LAMA2: variants seen among roughly 807,000 people sequenced by gnomAD.
The protein encoded by LAMA2 is laminin subunit alpha 2.
A neutral mutation model predicts 364.8 loss-of-function variants in LAMA2; 269 were observed. That is an observed-to-expected ratio of 0.74 (90% CI 0.67 to 0.82). The LOEUF is 0.82. Among genes scored for constraint, LAMA2 ranks in the 40% least tolerant of loss-of-function variants. The pLI is 0.00. For synonymous variants in LAMA2, 1,379 were observed against 1,370.6 expected, an observed-to-expected ratio of 1.01 and a Z score of -0.14; for missense variants, 3,807 against 3,873.2, an observed-to-expected ratio of 0.98 and a Z score of 0.45.
chr6:129,515,898 G>A (rs1012195377), intron 64 of LAMA2, among the ~76,000 whole-genome samples: 4 of 152,010 alleles, frequency 2.6e-5, no homozygotes, highest in African/African-American at 9.7e-5. Context: ...GAGCAGCCTG[G>A]GCAACACGGC....
chr6:129,481,926 T>C (rs1784368396), intron 55 of LAMA2, among the ~76,000 whole-genome samples: 1 of 151,974 alleles, frequency 6.6e-6, no homozygotes, highest in South Asian at 2.1e-4. Flanking sequence ...GGGCAGAAAA[T>C]GGATCTGGGA....
chr6:129,254,705 A>G (rs750939517), intron 14 of LAMA2, among the ~76,000 whole-genome samples: 2 of 152,238 alleles, frequency 1.3e-5, no homozygotes, highest in Non-Finnish European at 2.9e-5. Flanking sequence ...CACTAGGAAG[A>G]TGAAGGCACA....
chr6:129,349,274 G>A (rs376449109), intron 30 of LAMA2, 24 bp from the exon 31 acceptor site: 3 of 1,589,086 alleles, frequency 1.9e-6, no homozygotes, highest in Non-Finnish European at 2.6e-6. Context: ...AACTTTTTTT[G>A]CAATCCTTTT....
chr6:128,986,662 A>G (rs74747860), intron 1 of LAMA2, among the ~76,000 whole-genome samples: 3,755 of 152,162 alleles, frequency 0.025, 165 homozygotes, highest in African/African-American at 0.085. Context: ...TGACTTTGAA[A>G]GATTTCTTAG....
chr6:129,446,684 TTTGA>T (rs2114777049), intron 45 of LAMA2, among the ~76,000 whole-genome samples: 1 of 152,126 alleles, frequency 6.6e-6, no homozygotes, highest in South Asian at 2.1e-4. Context: ...AATTCTGTTT[TTTGA>T]ACAACTTTGG....
chr6:129,449,215 T>C (rs1782541033), intron 45 of LAMA2, among the ~76,000 whole-genome samples: 1 of 152,260 alleles, frequency 6.6e-6, no homozygotes, highest in South Asian at 2.1e-4. Context: ...AATAGATTAC[T>C]GTCTAGTCCA....
rs536930148 is a variant in LAMA2 at position 129,480,713 on chromosome 6, A to G, written c.7573-550A>G. On this transcript the variant is annotated intron_variant, in intron 54 of 64. Transcript: ENST00000421865. Reference sequence around the variant, plus strand: ...TATACTGAGCAAGGACAATGGTATTACTTTAATATTGAGAAAAAACTAGAC... The same window carrying G: ...TATACTGAGCAAGGACAATGGTATTGCTTTAATATTGAGAAAAAACTAGAC... Among the ~76,000 whole-genome samples the G allele has an allele frequency of 5.9e-5, 9 of 152,288 alleles. No homozygotes were observed. In the South Asian group the frequency reaches 1.9e-3, roughly 32 times the overall value.
At chr6:129,166,883 TCAGCAC>T (rs1321305730) in intron 9 of LAMA2, among the ~76,000 whole-genome samples, 1 of 152,198 alleles carries the variant, frequency 6.6e-6, no homozygotes, top group Admixed American at 6.5e-5. Context: ...AAGTCTGGCT[TCAGCAC>T]CTAAATAACA....
In LAMA2 at chr6:129,138,039, T is replaced by C. The variant is rs181883794; in HGVS notation, c.640-5862T>C. ...GATATATAAAGTACATCTGTGTAAA[T>C]GGCAAGCAGTGAGAACACAGAAAAG... On this transcript the variant is annotated intron_variant, in intron 4 of 64. Coordinates refer to ENST00000421865, the MANE Select transcript of LAMA2 (RefSeq NM_000426.4). 1.2e-4 allele frequency among the ~76,000 whole-genome samples: 19 copies of C among 152,030 alleles called. No homozygotes were observed. The East Asian group carries it at 3.1e-3, about 25-fold the overall frequency.
chr6:129,460,151 T>A (rs756043360), intron 48 of LAMA2, 49 bp from the exon 49 acceptor site: 2 of 1,588,066 alleles, frequency 1.3e-6, no homozygotes, highest in South Asian at 2.2e-5. Flanking sequence ...AAACCAAGAT[T>A]ATTTGTGAAA....
chr6:128,921,412 C>T (rs1293869573), intron 1 of LAMA2, among the ~76,000 whole-genome samples: 2 of 152,096 alleles, frequency 1.3e-5, no homozygotes, highest in Non-Finnish European at 2.9e-5. Flanking sequence ...ACCTTATTTG[C>T]AAATAGGGTC....
intron 41 of LAMA2, 140 bp downstream of exon 41, chr6:129,427,994 T>C (rs945474048): frequency 1.5e-6 from 1 of 681,598 alleles, no homozygotes; most frequent in Non-Finnish European, 2.6e-6. Flanking sequence ...GCAAGTAAAC[T>C]TTCTCACTAG....
At chr6:129,319,776 G>C (rs757696437) in intron 27 of LAMA2, among the ~76,000 whole-genome samples, 1 of 152,102 alleles carries the variant, frequency 6.6e-6, no homozygotes, top group Non-Finnish European at 1.5e-5. Context: ...ACATATATTT[G>C]TGTGGGTATT....
intron 1 of LAMA2, among the ~76,000 whole-genome samples, chr6:128,926,609 A>G (rs546451572): frequency 6.6e-6 from 1 of 152,188 alleles, no homozygotes; most frequent in Non-Finnish European, 1.5e-5. Context: ...ACAGCTAACT[A>G]TTATTTAATA....
At chr6:129,496,635 G>T (rs762515285) in intron 58 of LAMA2, among the ~76,000 whole-genome samples, 23 of 152,172 alleles carry the variant, frequency 1.5e-4, no homozygotes, top group Non-Finnish European at 2.8e-4. Flanking sequence ...TTTTGTGTGT[G>T]TAGGGGGAAA....
intron 51 of LAMA2, among the ~76,000 whole-genome samples, chr6:129,466,359 A>T (rs1219826732): frequency 6.6e-6 from 1 of 151,936 alleles, no homozygotes; most frequent in Non-Finnish European, 1.5e-5. Context: ...CACAAGCTGG[A>T]TGAGGAGTTA....
At chr6:129,101,146 G>A (rs75164774) in intron 4 of LAMA2, among the ~76,000 whole-genome samples, 2,380 of 152,242 alleles carry the variant, frequency 0.016, 73 homozygotes, top group African/African-American at 0.054. Flanking sequence ...AATAAAACAT[G>A]ATTGCATAAG....
chr6:129,130,121 G>A (rs1296299765), intron 4 of LAMA2, among the ~76,000 whole-genome samples: 1 of 152,100 alleles, frequency 6.6e-6, no homozygotes. Context: ...CAGAAAAGAA[G>A]GTGGATTATC....
chr6:128,940,331 A>G (rs767262242), intron 1 of LAMA2, among the ~76,000 whole-genome samples: 1 of 152,166 alleles, frequency 6.6e-6, no homozygotes, highest in Non-Finnish European at 1.5e-5. Flanking sequence ...CTATGTTTTC[A>G]GTATAATTGC....
Sources: allele counts gnomAD v4.1 joint callset (sites outside exome capture counted in the v4.1 genomes callset), GRCh38; gene constraint gnomAD v4.1.1; transcripts MANE v1.5; gene names NCBI Gene and HGNC (gene_info 2026-07-23, HGNC 2026-07-21).